Variants in TMEM117 observed in about 807,000 individuals in gnomAD.
TMEM117 encodes transmembrane protein 117.
In TMEM117, 27 loss-of-function variants were observed where a neutral mutation model predicts 52.4. The ratio of observed to expected loss-of-function variants is 0.51; its 90% CI spans 0.38 to 0.71. The LOEUF (loss-of-function observed/expected upper bound fraction) is 0.71, where lower values mean the gene tolerates loss of function less well. Ranked by LOEUF, TMEM117 falls within the 30% of genes least tolerant of loss-of-function variation. TMEM117 has a pLI of 0.00. For synonymous variants in TMEM117, 215 were observed against 206.3 expected (o/e 1.04, Z -0.36); for missense variants, 556 against 630.5 (o/e 0.88, Z 1.26).
At chr12:44,029,023 A>G (rs1946589593) in intron 3 of TMEM117, among the ~76,000 whole-genome samples, 2 of 152,186 alleles carry the variant, frequency 1.3e-5, no homozygotes, top group South Asian at 4.1e-4. Flanking sequence ...AAGGAAATAG[A>G]CAGCACTGAT....
intron 6 of TMEM117, among the ~76,000 whole-genome samples, chr12:44,364,281 A>G (rs377106275): frequency 1.3e-5 from 2 of 152,234 alleles, no homozygotes; most frequent in African/African-American, 4.8e-5. Context: ...ACCAATTTTT[A>G]TGAGTAAAAA....
intron 2 of TMEM117, among the ~76,000 whole-genome samples, chr12:43,889,085 CTTTT>C (rs111561510): frequency 1.4e-5 from 2 of 140,626 alleles, no homozygotes; most frequent in Non-Finnish European, 3.1e-5. Flanking sequence ...GCGTTGGATT[CTTTT>C]TTTTTTTTTT....
chr12:44,024,083 T>C (rs1030452482), intron 3 of TMEM117, among the ~76,000 whole-genome samples: 10 of 152,160 alleles, frequency 6.6e-5, no homozygotes, highest in African/African-American at 2.4e-4. Flanking sequence ...ACTAACATGG[T>C]AACGTGAGAT....
the TMEM117 span, among the ~76,000 whole-genome samples, chr12:43,828,238 A>G: frequency 6.6e-6 from 1 of 152,248 alleles, no homozygotes; most frequent in Non-Finnish European, 1.5e-5. Flanking sequence ...AATATTTTGA[A>G]GTATTATTAT....
intron 6 of TMEM117, among the ~76,000 whole-genome samples, chr12:44,324,193 C>T (rs1373491860): frequency 2.0e-5 from 3 of 152,024 alleles, no homozygotes; most frequent in Non-Finnish European, 4.4e-5. Flanking sequence ...GGAGGTGAGA[C>T]ATATGAAAGG....
At chr12:44,188,035 A>T (rs192440869) in intron 4 of TMEM117, among the ~76,000 whole-genome samples, 1 of 152,142 alleles carries the variant, frequency 6.6e-6, no homozygotes, top group Non-Finnish European at 1.5e-5. Context: ...TCTAGGACAC[A>T]TTTGAAAGGG....
At chr12:44,000,334 C>A (rs1160492273) in intron 3 of TMEM117, among the ~76,000 whole-genome samples, 4 of 152,152 alleles carry the variant, frequency 2.6e-5, no homozygotes, top group African/African-American at 9.7e-5. Context: ...CTTTAGAATT[C>A]TTCATGCCCA....
chr12:44,037,953 C>T (rs1314598866), intron 3 of TMEM117, among the ~76,000 whole-genome samples: 1 of 152,090 alleles, frequency 6.6e-6, no homozygotes, highest in African/African-American at 2.4e-5. Context: ...GGGGTCTCCT[C>T]TCCACTGAGA....
the TMEM117 span, chr12:43,797,962 A>C: frequency 1.0e-6 from 1 of 961,772 alleles, no homozygotes; most frequent in African/African-American, 1.7e-5. Flanking sequence ...ATTATTTTTC[A>C]CATTTGTTTA....
chr12:43,985,622 G>C (rs1004327883), intron 3 of TMEM117, among the ~76,000 whole-genome samples: 3 of 152,126 alleles, frequency 2.0e-5, no homozygotes, highest in Non-Finnish European at 4.4e-5. Flanking sequence ...TGTTTTGGAA[G>C]GAAAGATTTA....
chr12:44,329,402 G>T (rs1716605), intron 6 of TMEM117, among the ~76,000 whole-genome samples: 20,822 of 151,964 alleles, frequency 0.14, 3,933 homozygotes, highest in African/African-American at 0.43. Flanking sequence ...TCAACTTCAC[G>T]TAGCCAGAAT....
intron 5 of TMEM117, among the ~76,000 whole-genome samples, chr12:44,246,293 A>G (rs77565356): frequency 0.031 from 4,649 of 152,206 alleles, 107 homozygotes; most frequent in Admixed American, 0.043. Context: ...TTTTATTTTT[A>G]TGTAATAGAA....
intron 2 of TMEM117, among the ~76,000 whole-genome samples, chr12:43,870,512 G>T (rs1943685007): frequency 6.6e-6 from 1 of 151,906 alleles, no homozygotes; most frequent in Non-Finnish European, 1.5e-5. Context: ...ACCCACCTCG[G>T]CCTCCCAAAG....
intron 3 of TMEM117, among the ~76,000 whole-genome samples, chr12:43,976,340 G>A (rs1442573313): frequency 6.6e-6 from 1 of 152,138 alleles, no homozygotes; most frequent in Non-Finnish European, 1.5e-5. Flanking sequence ...TCAGACACAG[G>A]TATCCAGTAA....
chr12:43,924,157 T>C (rs552359014), intron 2 of TMEM117, among the ~76,000 whole-genome samples: 9 of 152,326 alleles, frequency 5.9e-5, no homozygotes, highest in African/African-American at 2.2e-4. Flanking sequence ...AAATACAGTT[T>C]CTTGGCTCTC....
At chr12:43,992,034 A>G (rs1383033847) in intron 3 of TMEM117, among the ~76,000 whole-genome samples, 1 of 151,944 alleles carries the variant, frequency 6.6e-6, no homozygotes, top group Non-Finnish European at 1.5e-5. Flanking sequence ...GTGGTGGCAC[A>G]TGCCTGTAGT....
At chr12:43,957,521 T>C (rs1945329535) in intron 3 of TMEM117, among the ~76,000 whole-genome samples, 1 of 152,186 alleles carries the variant, frequency 6.6e-6, no homozygotes, top group Non-Finnish European at 1.5e-5. Context: ...TTGACTTGAT[T>C]AAAAATTATT....
rs1949643137 is a variant in TMEM117 at position 44,211,380 on chromosome 12, T to G, written c.601T>G (p.Leu201Val). 6.2e-7 allele frequency: 1 copy of G among 1,605,410 alleles called. No homozygotes were observed. Among genetic ancestry groups the G allele is most frequent in the South Asian group, 1.1e-5 (1 of 90,186 alleles). The change falls in exon 5 of 8, where the codon TTA becomes GTA. Residue 201 changes from leucine to valine, a missense_variant. Transcript: ENST00000266534. Reference protein sequence around the residue: ...FWKKGNVRITLFWTVLFTLTS... With the variant: ...FWKKGNVRITVFWTVLFTLTS... ...GAAGAAAGGAAATGTTAGGATCACT[T>G]TATTCTGGTAGGAAATTGTTTCACT... is the stretch of plus-strand genomic sequence containing the variant.
chr12:44,060,983 G>C (rs1947130387), intron 3 of TMEM117, among the ~76,000 whole-genome samples: 1 of 152,138 alleles, frequency 6.6e-6, no homozygotes, highest in South Asian at 2.1e-4. Context: ...TTTAGGCACT[G>C]TTTGGTGGCT....
Sources: allele counts gnomAD v4.1 joint callset (sites outside exome capture counted in the v4.1 genomes callset), GRCh38; gene constraint gnomAD v4.1.1; transcripts MANE v1.5; gene names NCBI Gene and HGNC (gene_info 2026-07-23, HGNC 2026-07-21).